The following PPP3R1 variants were observed in gnomAD, a reference collection of about 807,000 sequenced individuals.
PPP3R1 encodes the protein calcineurin subunit B type 1.
In PPP3R1, 5 loss-of-function variants were observed where a neutral mutation model predicts 22.6. The ratio of observed to expected loss-of-function variants is 0.22; its 90% CI spans 0.12 to 0.46. PPP3R1 has a LOEUF of 0.46. Among genes scored for constraint, PPP3R1 ranks in the 20% least tolerant of loss-of-function variants. The pLI, the probability that PPP3R1 is intolerant of heterozygous loss-of-function variation, is 0.99. For missense variants in PPP3R1, 61 were observed against 203.2 expected, an observed-to-expected ratio of 0.30 and a Z score of 4.25; for synonymous variants, 56 against 65.2, an observed-to-expected ratio of 0.86 and a Z score of 0.68.
At position 68,187,289 on chromosome 2, in the gene PPP3R1, G is replaced by A. The variant is rs1351407168; in HGVS notation, c.246C>T (p.Phe82=). Reference sequence around the variant, plus strand: ...TCTGCTCCTTATCTCCTTTGACACTGAACTGAGAGACGCCCTCAATGAATT... The same window carrying A: ...TCTGCTCCTTATCTCCTTTGACACTAAACTGAGAGACGCCCTCAATGAATT... ...FKEFIEGVSQ[F]SVKGDKEQKL... is the part of the protein sequence containing the mutation. Residue 82 remains phenylalanine, a synonymous_variant, in exon 4 of 6, where the codon TTC becomes TTT. Coordinates refer to ENST00000234310, the MANE Select transcript of PPP3R1 (RefSeq NM_000945.4). 1.2e-6 allele frequency: 2 copies of A among 1,611,048 alleles called. No homozygotes were observed. Among genetic ancestry groups the A allele is most frequent in the Admixed American group, 1.7e-5 (1 of 59,802 alleles).
chr2:68,226,224 C>T (rs1022396418), intron 1 of PPP3R1, among the ~76,000 whole-genome samples: 31 of 152,190 alleles, frequency 2.0e-4, no homozygotes, highest in African/African-American at 7.2e-4. Flanking sequence ...GGGTGATAGA[C>T]CTATTCTACA....
chr2:68,213,778 GCTATTT>G (rs1203425833), intron 2 of PPP3R1, among the ~76,000 whole-genome samples: 7 of 152,136 alleles, frequency 4.6e-5, no homozygotes, highest in Non-Finnish European at 1.0e-4. Flanking sequence ...CAAATTCAAT[GCTATTT>G]CTATTTAACT....
chr2:68,195,901 T>C (rs1450220281), intron 2 of PPP3R1, among the ~76,000 whole-genome samples: 1 of 151,628 alleles, frequency 6.6e-6, no homozygotes, highest in Non-Finnish European at 1.5e-5. Flanking sequence ...TTTTTTTTTT[T>C]AAGTACTTCC....
In PPP3R1 at chr2:68,179,842, A is replaced by T. The variant is rs896814353; in HGVS notation, c.*1121T>A. ...GCTCTTCTGTGGCATATAGATTAGC[A>T]AGATTTCTCACACTTAAACCACAAA... On this transcript the variant is annotated 3_prime_UTR_variant, in exon 6 of 6. Coordinates refer to ENST00000234310, the MANE Select transcript of PPP3R1 (RefSeq NM_000945.4). 1 of 152,246 alleles carries T rather than the reference A, an allele frequency of 6.6e-6. No homozygotes were observed. Among genetic ancestry groups the T allele is most frequent in the African/African-American group, 2.4e-5 (1 of 41,468 alleles). The allele number at this position is 152,246 out of a possible 1,614,324, so 9.4% of individuals were successfully genotyped here.
intron 1 of PPP3R1, among the ~76,000 whole-genome samples, chr2:68,246,866 C>G (rs1028598064): frequency 8.5e-5 from 13 of 152,194 alleles, no homozygotes; most frequent in African/African-American, 3.1e-4. Context: ...ATCTTTAATG[C>G]AAGCCCCAGA....
intron 1 of PPP3R1, among the ~76,000 whole-genome samples, chr2:68,229,748 C>T (rs1397380512): frequency 6.6e-6 from 1 of 151,992 alleles, no homozygotes; most frequent in Non-Finnish European, 1.5e-5. Context: ...ACATCTTTCT[C>T]CTTCCTTTTA....
chr2:68,181,594 C>CTTT (rs35684152), intron 5 of PPP3R1, among the ~76,000 whole-genome samples: 76 of 137,754 alleles, frequency 5.5e-4, no homozygotes, highest in South Asian at 1.4e-3. Flanking sequence ...TCACATTTTC[C>CTTT]TTTTTTTTTT....
chr2:68,182,336 C>T (rs1194723629), intron 5 of PPP3R1, among the ~76,000 whole-genome samples: 1 of 151,470 alleles, frequency 6.6e-6, no homozygotes, highest in Non-Finnish European at 1.5e-5. Flanking sequence ...GTCACCCTGC[C>T]CTCATTCTCT....
rs773935899 is a variant in PPP3R1, at chr2:68,187,224, G to A, written c.280+31C>T. ...ACAGTATGAAATGATGGTAGTATAA[G>A]AGAATGAAGTCAGTGAAGAAAAATA... is the stretch of plus-strand genomic sequence containing the variant. On this transcript the variant is annotated intron_variant, in intron 4 of 5. Transcript: ENST00000234310. The A allele has an allele frequency of 3.9e-6, 6 of 1,527,346 alleles. No individual in the cohort carries two copies. In the South Asian group the frequency reaches 4.6e-5, roughly 12 times the overall value. 94.6% of individuals were successfully genotyped at this position (1,527,346 alleles called of 1,614,324 possible). A position where few individuals can be genotyped will look rare whatever the true frequency, so the allele number is the denominator to read the frequency against.
intron 1 of PPP3R1, among the ~76,000 whole-genome samples, chr2:68,227,033 C>A (rs1471204831): frequency 6.6e-6 from 1 of 151,980 alleles, no homozygotes; most frequent in Non-Finnish European, 1.5e-5. Context: ...ATCTCTTAAA[C>A]TCTACTAGAT....
At chr2:68,235,204 A>G (rs1487652548) in intron 1 of PPP3R1, among the ~76,000 whole-genome samples, 1 of 152,214 alleles carries the variant, frequency 6.6e-6, no homozygotes, top group African/African-American at 2.4e-5. Context: ...TTGTTTTATT[A>G]CCGCTTTATT....
intron 1 of PPP3R1, among the ~76,000 whole-genome samples, chr2:68,221,789 AT>A (rs1669692669): frequency 1.3e-5 from 2 of 152,090 alleles, no homozygotes; most frequent in East Asian, 3.9e-4. Flanking sequence ...ACTACAGCAT[AT>A]TTCTCCTTAG....
chr2:68,241,141 A>G (rs1670122088), intron 1 of PPP3R1, among the ~76,000 whole-genome samples: 1 of 149,842 alleles, frequency 6.7e-6, no homozygotes, highest in Non-Finnish European at 1.5e-5. Flanking sequence ...CTTAGAAACC[A>G]AACTCCACAG....
chr2:68,186,167 A>G (rs558164307), intron 5 of PPP3R1, among the ~76,000 whole-genome samples: 1 of 152,304 alleles, frequency 6.6e-6, no homozygotes, highest in East Asian at 1.9e-4. Flanking sequence ...GCATAAGTAG[A>G]GAAGAGAAGC....
chr2:68,198,329 G>T (rs535906302), intron 2 of PPP3R1, among the ~76,000 whole-genome samples: 3 of 86,776 alleles, frequency 3.5e-5, no homozygotes, highest in African/African-American at 1.7e-4. Context: ...ATATACATAT[G>T]TACATATATG....
chr2:68,232,398 A>G (rs1572973909), intron 1 of PPP3R1, among the ~76,000 whole-genome samples: 1 of 148,612 alleles, frequency 6.7e-6, no homozygotes, highest in South Asian at 2.1e-4. Flanking sequence ...CCAAGATCAC[A>G]CCACTGCACT....
Position 68,180,800 on chromosome 2 carries a change from C to T in PPP3R1, c.*163G>A. Reference sequence around the variant, plus strand: ...CTGAGTTATTGAGAGAATTACAGTTCAATAACACTTAGTTGGCTTCATGAG... The same window carrying T: ...CTGAGTTATTGAGAGAATTACAGTTTAATAACACTTAGTTGGCTTCATGAG... On this transcript the variant is annotated 3_prime_UTR_variant, in exon 6 of 6. Transcript: ENST00000234310. The T allele has an allele frequency of 1.5e-6, 1 of 660,326 alleles. No individual in the cohort carries two copies. Among genetic ancestry groups the T allele is most frequent in the Non-Finnish European group, 2.6e-6 (1 of 382,642 alleles). The allele number at this position is 660,326 out of a possible 1,614,324, so 40.9% of individuals were successfully genotyped here. A position where few individuals can be genotyped will look rare whatever the true frequency, so the allele number is the denominator to read the frequency against.
chr2:68,203,098 C>G (rs1675021400), intron 2 of PPP3R1, among the ~76,000 whole-genome samples: 1 of 152,064 alleles, frequency 6.6e-6, no homozygotes, highest in Non-Finnish European at 1.5e-5. Context: ...TAATGCTTTA[C>G]TGAGAGCAAG....
In PPP3R1 at chr2:68,252,158, CGCTGGCTCGGAGAAGTGTTGCGCTCAG is replaced by C; in HGVS notation, c.-58_-32del. 2 of 1,409,194 alleles carry C rather than the reference CGCTGGCTCGGAGAAGTGTTGCGCTCAG, an allele frequency of 1.4e-6. No individual in the cohort carries two copies. Among genetic ancestry groups the C allele is most frequent in the South Asian group, 2.8e-5 (2 of 71,320 alleles). 87.3% of individuals were successfully genotyped at this position (1,409,194 alleles called of 1,614,324 possible). A position where few individuals can be genotyped will look rare whatever the true frequency, so the allele number is the denominator to read the frequency against. ...TCGGCGGGTCGGCGGCTCGCTGGCT[CGCTGGCTCGGAGAAGTGTTGCGCTCAG>C]GCTGGCTCGCAGGAAACGGCGGCGG... On this transcript the variant is annotated 5_prime_UTR_variant, in exon 1 of 6. Coordinates refer to ENST00000234310, the MANE Select transcript of PPP3R1 (RefSeq NM_000945.4).
Sources: allele counts gnomAD v4.1 joint callset (sites outside exome capture counted in the v4.1 genomes callset), GRCh38; gene constraint gnomAD v4.1.1; transcripts MANE v1.5; gene names NCBI Gene and HGNC (gene_info 2026-07-23, HGNC 2026-07-21).